The following AGAP1 variants were observed in gnomAD, a reference collection of about 807,000 sequenced individuals.
AGAP1 encodes arf-GAP with GTPase, ANK repeat and PH domain-containing protein 1.
A neutral mutation model predicts 105.3 loss-of-function variants in AGAP1; 29 were observed. The observed-to-expected ratio is 0.28, with a 90% confidence interval of 0.21 to 0.38. The LOEUF is 0.38. Among genes scored for constraint, AGAP1 ranks in the 10% least tolerant of loss-of-function variants. The pLI is 1.00. For missense variants in AGAP1, 998 were observed against 1,165.1 expected, an observed-to-expected ratio of 0.86 and a Z score of 2.09; for synonymous variants, 509 against 485.9, an observed-to-expected ratio of 1.05 and a Z score of -0.63.
Position 235,721,958 on chromosome 2 carries a change from C to G in AGAP1, c.310+4314C>G, listed in dbSNP as rs1245731319. Reference sequence around the variant, plus strand: ...CATTTTGGTTGATATTTTATTGTTACAGTGAAGAGAGCCAACTCACAGATT... The same window carrying G: ...CATTTTGGTTGATATTTTATTGTTAGAGTGAAGAGAGCCAACTCACAGATT... On this transcript the variant is annotated intron_variant, in intron 3 of 17. Coordinates refer to ENST00000304032, the MANE Select transcript of AGAP1 (RefSeq NM_001037131.3). This position sits in a 1 kb window ranked among gnomAD's most constrained non-coding sequence, Gnocchi z 4.5. Among the ~76,000 whole-genome samples, 1 of 152,144 alleles carries G rather than the reference C, an allele frequency of 6.6e-6. No individual in the cohort carries two copies. The highest frequency in any genetic ancestry group is 2.4e-5 in the African/African-American group (1 of 41,426).
chr2:235,841,739 A>G (rs1429249691), intron 9 of AGAP1, among the ~76,000 whole-genome samples: 1 of 152,190 alleles, frequency 6.6e-6, no homozygotes, highest in Admixed American at 6.5e-5. Flanking sequence ...TATGTTATGA[A>G]TGCATTTAAT....
Position 235,799,219 on chromosome 2 carries a change from C to A in AGAP1, c.802-148C>A, listed in dbSNP as rs753142364. On this transcript the variant is annotated intron_variant, in intron 7 of 17. Transcript: ENST00000304032. This position sits in a 1 kb window ranked among gnomAD's most constrained non-coding sequence, Gnocchi z 5.0. ...ACTCTGTAGACATGACACTAATACA[C>A]CTGGCAAAGCCATAGACGCAAGTCA... 3.7e-6 allele frequency: 3 copies of A among 806,580 alleles called. No individual in the cohort carries two copies. In the South Asian group the frequency reaches 5.5e-5, roughly 15 times the overall value. 50.0% of individuals were successfully genotyped at this position (806,580 alleles called of 1,614,324 possible).
At chr2:235,827,467 A>G (rs1211875234) in intron 9 of AGAP1, among the ~76,000 whole-genome samples, 1 of 152,128 alleles carries the variant, frequency 6.6e-6, no homozygotes, top group African/African-American at 2.4e-5. Flanking sequence ...TTTAATGACT[A>G]TTTCTACTAA....
At chr2:235,929,525 T>G (rs1413204511) in intron 11 of AGAP1, among the ~76,000 whole-genome samples, 2 of 152,124 alleles carry the variant, frequency 1.3e-5, no homozygotes, top group African/African-American at 4.8e-5. Flanking sequence ...AAGGCAGAAC[T>G]CTATTCTTCA....
chr2:235,812,359 T>C (rs529587446), intron 9 of AGAP1, among the ~76,000 whole-genome samples: 1 of 152,154 alleles, frequency 6.6e-6, no homozygotes, highest in Non-Finnish European at 1.5e-5. Flanking sequence ...GTGAACTGTT[T>C]TGAAGCTGTG....
chr2:235,853,027 A>G (rs1350253582), intron 9 of AGAP1: 3 of 1,245,312 alleles, frequency 2.4e-6, no homozygotes, highest in Non-Finnish European at 3.0e-6. Flanking sequence ...GGCAACTCAC[A>G]AAAGACCCCT....
chr2:235,797,740 T>C lies in AGAP1; in HGVS notation c.674-19T>C. ...GAAATTGATTGACATGGATTTCTTTTTGTCTGTGTGTCCACCAGTTGCCCA... is the reference window on the plus strand; with the variant it reads ...GAAATTGATTGACATGGATTTCTTTCTGTCTGTGTGTCCACCAGTTGCCCA... On this transcript the variant is annotated intron_variant, in intron 6 of 17. Transcript: ENST00000304032. 1 of 1,614,082 alleles carries C rather than the reference T, an allele frequency of 6.2e-7. No homozygotes were observed. Among genetic ancestry groups the C allele is most frequent in the South Asian group, 1.1e-5 (1 of 91,050 alleles).
intron 13 of AGAP1, among the ~76,000 whole-genome samples, chr2:236,008,209 TG>T (rs1359822137): frequency 2.0e-5 from 3 of 152,158 alleles, no homozygotes; most frequent in Non-Finnish European, 4.4e-5. Flanking sequence ...TGATACTGGC[TG>T]GGGCCCAACC....
In AGAP1 at chr2:235,550,843, C is replaced by A. The variant is rs549453895; in HGVS notation, c.163+55994C>A. 2.6e-5 allele frequency among the ~76,000 whole-genome samples: 4 copies of A among 151,944 alleles called. No individual in the cohort carries two copies. Among genetic ancestry groups the A allele is most frequent in the Non-Finnish European group, 5.9e-5 (4 of 67,988 alleles). ...AGGCTGGAGTGCAGTGGCACTGTCTCGGCTCACTACAACCTCCACCTCCTG... is the reference window on the plus strand; with the variant it reads ...AGGCTGGAGTGCAGTGGCACTGTCTAGGCTCACTACAACCTCCACCTCCTG... On this transcript the variant is annotated intron_variant, in intron 1 of 17. Transcript: ENST00000304032. The surrounding 1 kb of genome is among the most constrained non-coding windows in gnomAD (Gnocchi z 4.6).
At chr2:236,075,006 TCACTC>T (rs895555922) in intron 16 of AGAP1, among the ~76,000 whole-genome samples, 30 of 152,228 alleles carry the variant, frequency 2.0e-4, no homozygotes, top group African/African-American at 6.7e-4. Flanking sequence ...TGAGCCAAGA[TCACTC>T]CACTGCACTC....
In AGAP1 at chr2:235,724,091, G is replaced by A. The variant is rs1227148078; in HGVS notation, c.310+6447G>A. Among the ~76,000 whole-genome samples, 3 of 152,238 alleles carry A rather than the reference G, an allele frequency of 2.0e-5. No individual in the cohort carries two copies. Among genetic ancestry groups the A allele is most frequent in the Admixed American group, 2.0e-4 (3 of 15,288 alleles). ...GGAGCGTTGGCCCTGGCATTCCCGG[G>A]TCTTCATGAGCTTAATTCAGCAGGG... On this transcript the variant is annotated intron_variant, in intron 3 of 17. Coordinates refer to ENST00000304032, the MANE Select transcript of AGAP1 (RefSeq NM_001037131.3). This position sits in a 1 kb window ranked among gnomAD's most constrained non-coding sequence, Gnocchi z 4.9.
Position 236,113,086 on chromosome 2 carries a change from A to G in AGAP1, c.2115-7106A>G, listed in dbSNP as rs924208881. Reference sequence around the variant, plus strand: ...TTCTTTTTTCCCACGATTTCCCAAAATACGGCCACCACTCTGCCGTCACGT... The same window carrying G: ...TTCTTTTTTCCCACGATTTCCCAAAGTACGGCCACCACTCTGCCGTCACGT... On this transcript the variant is annotated intron_variant, in intron 16 of 17. Transcript: ENST00000304032. The surrounding 1 kb of genome is among the most constrained non-coding windows in gnomAD (Gnocchi z 4.3). Among the ~76,000 whole-genome samples the G allele has an allele frequency of 2.6e-5, 4 of 152,240 alleles. No individual in the cohort carries two copies. The highest frequency in any genetic ancestry group is 9.6e-5 in the African/African-American group (4 of 41,462).
At position 235,716,564 on chromosome 2, in the gene AGAP1, G is replaced by A. The variant is rs1409780357; in HGVS notation, c.223-993G>A. Among the ~76,000 whole-genome samples the A allele has an allele frequency of 6.6e-6, 1 of 152,144 alleles. No individual in the cohort carries two copies. Among genetic ancestry groups the A allele is most frequent in the African/African-American group, 2.4e-5 (1 of 41,436 alleles). The stretch of plus-strand genomic sequence containing the variant: ...AATGAGCACCTGTGCCTGGGGATGG[G>A]TGCCTTGTGATGTTTTGGGCTTTTT... On this transcript the variant is annotated intron_variant, in intron 2 of 17. Coordinates refer to ENST00000304032, the MANE Select transcript of AGAP1 (RefSeq NM_001037131.3). This position sits in a 1 kb window ranked among gnomAD's most constrained non-coding sequence, Gnocchi z 4.0.
At chr2:235,562,788 G>A (rs760069217) in intron 1 of AGAP1, among the ~76,000 whole-genome samples, 3 of 152,114 alleles carry the variant, frequency 2.0e-5, no homozygotes, top group Non-Finnish European at 2.9e-5. Flanking sequence ...CTGGTGTCGC[G>A]GCTCATGCCT....
chr2:236,112,670 C>T (rs969532036), intron 16 of AGAP1, among the ~76,000 whole-genome samples: 8 of 151,716 alleles, frequency 5.3e-5, no homozygotes, highest in African/African-American at 1.7e-4. Context: ...CCGGCCCAAG[C>T]TCAGGGGCTC....
intron 1 of AGAP1, among the ~76,000 whole-genome samples, chr2:235,672,064 T>C (rs1948464441): frequency 6.6e-6 from 1 of 152,068 alleles, no homozygotes; most frequent in Non-Finnish European, 1.5e-5. Flanking sequence ...AAAAAAATAT[T>C]ATTCATCCTC....
At chr2:236,086,080 C>T (rs2058920720) in intron 16 of AGAP1, among the ~76,000 whole-genome samples, 1 of 152,234 alleles carries the variant, frequency 6.6e-6, no homozygotes, top group Admixed American at 6.5e-5. Flanking sequence ...TTTCCTACTG[C>T]CCTTTTCCCC....
rs931512107 is a variant in AGAP1, at chr2:235,883,561, G to A, written c.1155+112G>A. The A allele has an allele frequency of 1.2e-5, 10 of 829,212 alleles. No individual in the cohort carries two copies. The highest frequency in any genetic ancestry group is 2.4e-5 in the Admixed American group (1 of 41,918). 51.4% of individuals were successfully genotyped at this position (829,212 alleles called of 1,614,324 possible). ...CTTGTCTCTGTTTGAAGTGAAAGTC[G>A]TATTTGGTCTCCTGCTCAACTGTGA... On this transcript the variant is annotated intron_variant, in intron 10 of 17. Coordinates refer to ENST00000304032, the MANE Select transcript of AGAP1 (RefSeq NM_001037131.3). This position sits in a 1 kb window ranked among gnomAD's most constrained non-coding sequence, Gnocchi z 4.5.
intron 1 of AGAP1, among the ~76,000 whole-genome samples, chr2:235,583,118 C>T (rs1944988117): frequency 6.6e-6 from 1 of 152,202 alleles, no homozygotes; most frequent in Non-Finnish European, 1.5e-5. Flanking sequence ...TGGGGCACCT[C>T]CAAGTGGGCC....
Sources: allele counts gnomAD v4.1 joint callset (sites outside exome capture counted in the v4.1 genomes callset), GRCh38; gene constraint gnomAD v4.1.1; non-coding constraint Gnocchi (gnomAD v3.1); transcripts MANE v1.5; gene names NCBI Gene and HGNC (gene_info 2026-07-23, HGNC 2026-07-21).